FHOD3: variants seen among roughly 807,000 people sequenced by gnomAD.
FHOD3 encodes the protein FH1/FH2 domain-containing protein 3.
In FHOD3, 90 loss-of-function variants were observed where a neutral mutation model predicts 173.0. The ratio of observed to expected loss-of-function variants is 0.52; its 90% CI spans 0.44 to 0.62. The LOEUF (loss-of-function observed/expected upper bound fraction) is 0.62. Ranked by LOEUF, FHOD3 falls within the 20% of genes least tolerant of loss-of-function variation. FHOD3 has a pLI of 0.00. For synonymous variants in FHOD3, 828 were observed against 823.0 expected (o/e 1.01, Z -0.10); for missense variants, 1,945 against 2,034.7 (o/e 0.96, Z 0.85).
At chr18:36,679,182 T>TA (rs2038070637) in intron 14 of FHOD3, among the ~76,000 whole-genome samples, 1 of 152,156 alleles carries the variant, frequency 6.6e-6, no homozygotes, top group East Asian at 1.9e-4. Flanking sequence ...TCCATTTCTT[T>TA]AATTTTTCAA....
intron 5 of FHOD3, among the ~76,000 whole-genome samples, chr18:36,538,359 A>T (rs1420869139): frequency 6.6e-6 from 1 of 152,246 alleles, no homozygotes; most frequent in Non-Finnish European, 1.5e-5. Flanking sequence ...GAAAACAATG[A>T]TGATAGAGAA....
At chr18:36,337,644 C>CT in intron 1 of FHOD3, among the ~76,000 whole-genome samples, 1 of 152,214 alleles carries the variant, frequency 6.6e-6, no homozygotes, top group East Asian at 1.9e-4. Context: ...TTTTTTCTTT[C>CT]TTTTTTTCTC....
intron 5 of FHOD3, among the ~76,000 whole-genome samples, chr18:36,546,895 A>G (rs4799868): frequency 0.25 from 38,509 of 152,068 alleles, 5,179 homozygotes; most frequent in Admixed American, 0.32. Context: ...TTCTTTTTCC[A>G]TTTATGGGGT....
intron 10 of FHOD3, among the ~76,000 whole-genome samples, chr18:36,647,510 T>G (rs1046948446): frequency 1.4e-5 from 2 of 141,376 alleles, no homozygotes; most frequent in Admixed American, 1.5e-4. Flanking sequence ...ATGGGGATGG[T>G]AATTCATCCC....
At chr18:36,711,702 T>G (rs1279507170) in intron 18 of FHOD3, among the ~76,000 whole-genome samples, 5 of 152,214 alleles carry the variant, frequency 3.3e-5, no homozygotes, top group Admixed American at 2.6e-4. Context: ...AGGAGGACTG[T>G]GAAAAGTGGA....
intron 4 of FHOD3, among the ~76,000 whole-genome samples, chr18:36,510,865 A>G (rs1231621284): frequency 6.6e-6 from 1 of 152,186 alleles, no homozygotes; most frequent in Non-Finnish European, 1.5e-5. Context: ...GGGCGCAGAC[A>G]TCACTCACCC....
chr18:36,750,873 C>T (rs967993756), intron 24 of FHOD3, among the ~76,000 whole-genome samples: 1 of 152,144 alleles, frequency 6.6e-6, no homozygotes, highest in Non-Finnish European at 1.5e-5. Flanking sequence ...ACTATGCTGT[C>T]GCAATTACTG....
Position 36,649,314 on chromosome 18 carries a change from A to G in FHOD3, c.1197-2A>G, listed in dbSNP as rs2035895956. The G allele has an allele frequency of 1.3e-6, 2 of 1,534,716 alleles. No individual in the cohort carries two copies. The highest frequency in any genetic ancestry group is 1.2e-5 in the South Asian group (1 of 84,012). On this transcript the variant is annotated splice_acceptor_variant, in intron 10 of 28. Coordinates refer to ENST00000590592, the MANE Select transcript of FHOD3 (RefSeq NM_001281740.3). LOFTEE classifies it high-confidence loss of function. ...ATTTCTCTTTTCCTGGCTTTGTCTC[A>G]GGGAGGAGGAGGAGGAAGAGGAGCA...
intron 5 of FHOD3, among the ~76,000 whole-genome samples, chr18:36,564,439 T>C (rs1318373412): frequency 6.6e-6 from 1 of 152,060 alleles, no homozygotes; most frequent in Non-Finnish European, 1.5e-5. Flanking sequence ...GTGAGGAGCA[T>C]AGGTGTAACT....
rs2035295472 is a variant in FHOD3 at position 36,641,384 on chromosome 18, C to T, written c.1197-7932C>T. ...GATAAGAGATTAGAGGTCAGCTAGG[C>T]AAACTAGACTTGATCCTAGGTCAGT... On this transcript the variant is annotated intron_variant, in intron 10 of 28. Coordinates refer to ENST00000590592, the MANE Select transcript of FHOD3 (RefSeq NM_001281740.3). Among the ~76,000 whole-genome samples the T allele has an allele frequency of 2.0e-5, 3 of 152,156 alleles. No individual in the cohort carries two copies. The South Asian group carries it at 6.2e-4, about 32-fold the overall frequency.
intron 1 of FHOD3, among the ~76,000 whole-genome samples, chr18:36,326,349 T>A (rs1219035338): frequency 6.6e-6 from 1 of 152,244 alleles, no homozygotes; most frequent in Admixed American, 6.5e-5. Flanking sequence ...CTAATAGAAC[T>A]TGCTTTTGAT....
intron 14 of FHOD3, among the ~76,000 whole-genome samples, chr18:36,679,629 G>A (rs1568595905): frequency 6.7e-6 from 1 of 149,402 alleles, no homozygotes; most frequent in East Asian, 2.0e-4. Context: ...AATTGTCCAT[G>A]TTTTTTTTTC....
chr18:36,354,181 C>T (rs2046255659), intron 1 of FHOD3, among the ~76,000 whole-genome samples: 1 of 152,164 alleles, frequency 6.6e-6, no homozygotes. Flanking sequence ...CTGCATTTTG[C>T]ACCGTGACAA....
intron 5 of FHOD3, among the ~76,000 whole-genome samples, chr18:36,534,861 C>T (rs1051708484): frequency 5.3e-5 from 8 of 152,280 alleles, no homozygotes; most frequent in Admixed American, 2.6e-4. Flanking sequence ...GGCTTTTACT[C>T]GGCTCTATAA....
intron 3 of FHOD3, among the ~76,000 whole-genome samples, chr18:36,387,625 G>T (rs931508035): frequency 6.6e-6 from 1 of 152,162 alleles, no homozygotes; most frequent in Non-Finnish European, 1.5e-5. Context: ...ATCCACTTTC[G>T]TGATTCTAAC....
At chr18:36,367,724 T>C (rs2046968310) in intron 2 of FHOD3, among the ~76,000 whole-genome samples, 1 of 152,178 alleles carries the variant, frequency 6.6e-6, no homozygotes, top group Admixed American at 6.5e-5. Context: ...TCTATCTATC[T>C]GATATGGATT....
chr18:36,758,810 G>A (rs1006264497), intron 25 of FHOD3, among the ~76,000 whole-genome samples: 1 of 152,318 alleles, frequency 6.6e-6, no homozygotes, highest in South Asian at 2.1e-4. Context: ...TGCGAGTGAC[G>A]TTGGTGGTGG....
At position 36,740,846 on chromosome 18, in the gene FHOD3, C is replaced by G; in HGVS notation, c.3759+8C>G. ...TATGAAACTACAGAAAAGGTAAGCT[C>G]TCTGTAAGAGAGGCCGCTGATCCCA... On this transcript the variant is annotated splice_region_variant and intron_variant, in intron 21 of 28. Coordinates refer to ENST00000590592, the MANE Select transcript of FHOD3 (RefSeq NM_001281740.3). 6.2e-7 allele frequency: 1 copy of G among 1,608,588 alleles called. No homozygotes were observed. Among genetic ancestry groups the G allele is most frequent in the Non-Finnish European group, 8.5e-7 (1 of 1,178,350 alleles).
chr18:36,588,640 C>G (rs9965439), intron 6 of FHOD3, among the ~76,000 whole-genome samples: 49,065 of 151,916 alleles, frequency 0.32, 8,103 homozygotes, highest in Admixed American at 0.37. Context: ...TTTTATTTTT[C>G]CTTAACGAGC....
Sources: allele counts gnomAD v4.1 joint callset (sites outside exome capture counted in the v4.1 genomes callset), GRCh38; gene constraint gnomAD v4.1.1; transcripts MANE v1.5; gene names NCBI Gene and HGNC (gene_info 2026-07-23, HGNC 2026-07-21).